RBL2: variants seen among roughly 807,000 people sequenced by gnomAD.
RBL2 encodes the protein RB transcriptional corepressor like 2, also known as retinoblastoma-like protein 2.
RBL2 carries 56 observed loss-of-function variants against 126.0 expected under a neutral mutation model. The observed-to-expected ratio is 0.44, with a 90% CI of 0.36 to 0.56. The LOEUF is 0.56. RBL2 is among the 20% of genes least tolerant of loss of function. The probability of loss-of-function intolerance (pLI) is 0.00; values close to 1 mark genes in which losing one functional copy is unlikely to be tolerated. For missense variants in RBL2, 1,229 were observed against 1,398.2 expected (o/e 0.88, Z 1.93); for synonymous variants, 454 against 478.5 (o/e 0.95, Z 0.67).
chr16:53,439,414 G>T (rs1269927397), intron 2 of RBL2, among the ~76,000 whole-genome samples: 1 of 152,170 alleles, frequency 6.6e-6, no homozygotes, highest in Non-Finnish European at 1.5e-5. Flanking sequence ...TTAGGACATT[G>T]TGTAATATTG....
At position 53,474,604 on chromosome 16, in the gene RBL2, C is replaced by T. The variant is rs573246258; in HGVS notation, c.2703+3682C>T. ...GTGCTGGGATTATAGGCGTGAGCCA[C>T]GGTGCCCAGCCTATAATTCTTTTTA... On this transcript the variant is annotated intron_variant, in intron 17 of 21. Coordinates refer to ENST00000262133, the MANE Select transcript of RBL2 (RefSeq NM_005611.4). Among the ~76,000 whole-genome samples the T allele has an allele frequency of 1.5e-4, 23 of 152,314 alleles. 1 individual carries two copies. Among genetic ancestry groups the T allele is most frequent in the African/African-American group, 5.1e-4 (21 of 41,554 alleles).
At chr16:53,444,861 A>G (rs1053871217) in intron 3 of RBL2, among the ~76,000 whole-genome samples, 2 of 152,230 alleles carry the variant, frequency 1.3e-5, no homozygotes, top group African/African-American at 4.8e-5. Flanking sequence ...ATAAATAAAT[A>G]AAAAATGAAG....
intron 1 of RBL2, among the ~76,000 whole-genome samples, chr16:53,435,407 A>C (rs1475615438): frequency 1.3e-5 from 2 of 152,026 alleles, no homozygotes; most frequent in African/African-American, 4.8e-5. Context: ...CCCATTTGTC[A>C]CTAGGATCAG....
chr16:53,454,173 T>C (rs2058143231), intron 7 of RBL2: 10 of 441,002 alleles, frequency 2.3e-5, no homozygotes, highest in Admixed American at 2.2e-4. Flanking sequence ...AGCTTGGGGA[T>C]AGCAGGATTA....
chr16:53,491,254 T>G lies in RBL2; in HGVS notation c.*954T>G, dbSNP rs1961430686. 6.6e-6 allele frequency: 1 copy of G among 152,160 alleles called. No homozygotes were observed. Among genetic ancestry groups the G allele is most frequent in the Admixed American group, 6.5e-5 (1 of 15,278 alleles). The allele number at this position is 152,160 out of a possible 1,614,324, so 9.4% of individuals were successfully genotyped here. A position where few individuals can be genotyped will look rare whatever the true frequency, so the allele number is the denominator to read the frequency against. On this transcript the variant is annotated 3_prime_UTR_variant, in exon 22 of 22. Coordinates refer to ENST00000262133, the MANE Select transcript of RBL2 (RefSeq NM_005611.4). ...GGAGTTATCTAAAAGAAATGTCTATTAAGGTGATATATTTAAAAATATTTT... is the reference window on the plus strand; with the variant it reads ...GGAGTTATCTAAAAGAAATGTCTATGAAGGTGATATATTTAAAAATATTTT...
chr16:53,442,885 A>G (rs1409353310), intron 3 of RBL2, 27 bp downstream of exon 3: 2 of 1,559,432 alleles, frequency 1.3e-6, no homozygotes, highest in Non-Finnish European at 8.8e-7. Context: ...GTTCATCAGG[A>G]ATACACGTTA....
chr16:53,454,029 TTGA>T (rs2150795777), intron 7 of RBL2, among the ~76,000 whole-genome samples: 1 of 152,238 alleles, frequency 6.6e-6, no homozygotes, highest in Non-Finnish European at 1.5e-5. Context: ...TGGGTGAAAA[TTGA>T]TGATGTGTAA....
At chr16:53,440,413 A>G (rs188686545) in intron 2 of RBL2, among the ~76,000 whole-genome samples, 21 of 152,352 alleles carry the variant, frequency 1.4e-4, no homozygotes, top group Admixed American at 1.4e-3. Context: ...CAGTATCTAG[A>G]ATTATATCAG....
At chr16:53,462,527 GTTT>G (rs55875935) in intron 10 of RBL2, 22 bp from the exon 11 acceptor site, 2 of 1,133,296 alleles carry the variant, frequency 1.8e-6, no homozygotes, top group African/African-American at 1.6e-5. Context: ...TTTTTGTGGG[GTTT>G]TTTTTTTTAT....
chr16:53,457,747 T>C (rs990292295), intron 8 of RBL2, among the ~76,000 whole-genome samples: 1 of 152,220 alleles, frequency 6.6e-6, no homozygotes, highest in Non-Finnish European at 1.5e-5. Context: ...AGATTCCTCT[T>C]GATCAGAATG....
At chr16:53,476,421 A>G (rs1304358403) in intron 17 of RBL2, among the ~76,000 whole-genome samples, 2 of 152,166 alleles carry the variant, frequency 1.3e-5, no homozygotes, top group African/African-American at 2.4e-5. Context: ...GCTCTATCCT[A>G]ATGAATTTCA....
At position 53,490,125 on chromosome 16, in the gene RBL2, C is replaced by A; in HGVS notation, c.3250-5C>A. ...TAAAATTTTTGTATCTTTTTCCCAC[C>A]ATAGAGACTGAGAGAAATTAATAGT... On this transcript the variant is annotated splice_region_variant and splice_polypyrimidine_tract_variant and intron_variant, in intron 21 of 21. Transcript: ENST00000262133. 6.4e-7 allele frequency: 1 copy of A among 1,558,900 alleles called. No homozygotes were observed. Among genetic ancestry groups the A allele is most frequent in the Non-Finnish European group, 8.7e-7 (1 of 1,148,978 alleles).
intron 3 of RBL2, among the ~76,000 whole-genome samples, chr16:53,443,926 T>G (rs1343287771): frequency 2.0e-5 from 3 of 152,130 alleles, no homozygotes; most frequent in Admixed American, 6.5e-5. Context: ...CTAGCTCACT[T>G]ACAGTTTTGG....
chr16:53,445,204 G>A (rs2058050574), intron 3 of RBL2, among the ~76,000 whole-genome samples: 1 of 151,832 alleles, frequency 6.6e-6, no homozygotes, highest in Non-Finnish European at 1.5e-5. Context: ...GCGCACACCT[G>A]TGGTCCCAGC....
chr16:53,480,630 G>A lies in RBL2; in HGVS notation c.2945G>A (p.Ser982Asn). 1.2e-6 allele frequency: 2 copies of A among 1,614,060 alleles called. No homozygotes were observed. The highest frequency in any genetic ancestry group is 1.7e-6 in the Non-Finnish European group (2 of 1,180,016). ...ACCTTGCCAGTTCCACAGCCCAGCAGTGCTCCTCCCACACCTACTCGCCTC... is the reference window on the plus strand; with the variant it reads ...ACCTTGCCAGTTCCACAGCCCAGCAATGCTCCTCCCACACCTACTCGCCTC... ...SSTLPVPQPS[S>N]APPTPTRLTG... Residue 982 changes from serine (S) to asparagine (N), a missense_variant, in exon 20 of 22, where the codon AGT (serine) becomes AAT (asparagine). Transcript: ENST00000262133.
chr16:53,434,734 G>A lies in RBL2; in HGVS notation c.178G>A (p.Glu60Lys). Reference protein sequence around the residue: ...DELCSRLNMDEAARAEAWDSY... With the variant: ...DELCSRLNMDKAARAEAWDSY... ...GCTGTGCAGCCGCCTCAACATGGACGAGGCGGCGCGGGCCGAGGCCTGGGA... is the reference window on the plus strand; with the variant it reads ...GCTGTGCAGCCGCCTCAACATGGACAAGGCGGCGCGGGCCGAGGCCTGGGA... The change falls in exon 1 of 22, where the codon GAG becomes AAG. Residue 60 changes from glutamate (E) to lysine (K), a missense_variant. By Grantham distance (56) the Glu-to-Lys change is moderately conservative (BLOSUM62 1). Coordinates refer to ENST00000262133, the MANE Select transcript of RBL2 (RefSeq NM_005611.4). 6.5e-7 allele frequency: 1 copy of A among 1,547,370 alleles called. No homozygotes were observed. Among genetic ancestry groups the A allele is most frequent in the South Asian group, 1.2e-5 (1 of 84,548 alleles).
rs1567737504 is a variant in RBL2 at position 53,464,377 on chromosome 16, TATG to T, written c.1698+17_1698+19del. Reference sequence around the variant, plus strand: ...CATTTTTATAAGGTATTTTTAAAAATATGATACTAATGGGGATATTGTAGATGA... The same window carrying T: ...CATTTTTATAAGGTATTTTTAAAAATATACTAATGGGGATATTGTAGATGA... On this transcript the variant is annotated intron_variant, in intron 12 of 21. Coordinates refer to ENST00000262133, the MANE Select transcript of RBL2 (RefSeq NM_005611.4). The T allele has an allele frequency of 4.5e-6, 7 of 1,546,746 alleles. No individual in the cohort carries two copies. The highest frequency in any genetic ancestry group is 2.3e-5 in the East Asian group (1 of 44,410).
chr16:53,469,813 G>A (rs2058303809), intron 14 of RBL2, 103 bp from the exon 15 acceptor site: 1 of 1,276,124 alleles, frequency 7.8e-7, no homozygotes. Context: ...GAATTATGAA[G>A]TATTTCAAAC....
At chr16:53,457,503 C>T (rs554228411) in intron 8 of RBL2, among the ~76,000 whole-genome samples, 1 of 152,058 alleles carries the variant, frequency 6.6e-6, no homozygotes, top group Admixed American at 6.6e-5. Context: ...TCATGATCTT[C>T]CCGCCTCGGC....
Sources: gnomAD v4.1 joint callset for allele counts (sites outside exome capture counted in the v4.1 genomes callset) on GRCh38, gnomAD v4.1.1 for gene constraint, MANE v1.5 for transcripts, NCBI Gene and HGNC (gene_info 2026-07-23, HGNC 2026-07-21) for gene names.